Variants in NUP214 observed in about 807,000 individuals in gnomAD.
The protein encoded by NUP214 is nucleoporin 214.
NUP214 carries 79 observed loss-of-function variants against 196.2 expected under a neutral mutation model. The ratio of observed to expected loss-of-function variants is 0.40; its 90% CI spans 0.34 to 0.49. The LOEUF (loss-of-function observed/expected upper bound fraction) is 0.49, where lower values mean the gene tolerates loss of function less well. Ranked by LOEUF, NUP214 falls within the 20% of genes least tolerant of loss-of-function variation. NUP214 has a pLI of 0.58. For synonymous variants in NUP214, 1,020 were observed against 990.5 expected, an observed-to-expected ratio of 1.03 and a Z score of -0.56; for missense variants, 2,468 against 2,539.0, an observed-to-expected ratio of 0.97 and a Z score of 0.60.
chr9:131,174,256 C>A lies in NUP214; in HGVS notation c.3095C>A (p.Ala1032Glu). 3 of 1,613,978 alleles carry A rather than the reference C, an allele frequency of 1.9e-6. No individual in the cohort carries two copies. The highest frequency in any genetic ancestry group is 2.5e-6 in the Non-Finnish European group (3 of 1,179,978). Residue 1032 changes from alanine (A) to glutamate (E), a missense_variant, in exon 22 of 36, where the codon GCA (alanine) becomes GAA (glutamate). Ala to Glu is a moderately radical substitution (Grantham distance 107). Coordinates refer to ENST00000359428, the MANE Select transcript of NUP214 (RefSeq NM_005085.4). ...ATCCAGCCCAGTCTCTTGCCCCATG[C>A]AGCACCTTTTGCTAAATCTCACCTG... ...PSIQPSLLPH[A>E]APFAKSHLVH...
chr9:131,216,715 C>T lies in NUP214; in HGVS notation c.5749+1347C>T, dbSNP rs530935579. On this transcript the variant is annotated intron_variant, in intron 31 of 35. Coordinates refer to ENST00000359428, the MANE Select transcript of NUP214 (RefSeq NM_005085.4). ...CTAGTTTTTGTATTTTTAGTAGAGA[C>T]GGGGTTTTACCATGTTGGCCAGGCT... is the stretch of plus-strand genomic sequence containing the variant. 1.2e-3 allele frequency among the ~76,000 whole-genome samples: 188 copies of T among 151,404 alleles called. 2 individuals are homozygous for T. Among genetic ancestry groups the T allele is most frequent in the African/African-American group, 4.1e-3 (170 of 41,242 alleles).
intron 21 of NUP214, among the ~76,000 whole-genome samples, chr9:131,170,087 C>T (rs545444168): frequency 1.3e-5 from 2 of 151,830 alleles, no homozygotes; most frequent in Admixed American, 6.6e-5. Context: ...ATGGTAGTCA[C>T]GGTTATACAA....
intron 21 of NUP214, among the ~76,000 whole-genome samples, chr9:131,170,126 T>C (rs146977775): frequency 5.8e-4 from 89 of 152,306 alleles, no homozygotes; most frequent in Non-Finnish European, 1.1e-3. Flanking sequence ...GCCATGGAAC[T>C]GTACACTTTA....
chr9:131,230,864 T>C (rs1490334142), intron 34 of NUP214, 95 bp downstream of exon 34: 45 of 1,419,416 alleles, frequency 3.2e-5, no homozygotes, highest in Non-Finnish European at 3.7e-5. Context: ...CCAGTCTGTT[T>C]AGTATTTTAA....
At chr9:131,160,044 A>G (rs766037086) in intron 18 of NUP214, among the ~76,000 whole-genome samples, 1 of 152,176 alleles carries the variant, frequency 6.6e-6, no homozygotes, top group Non-Finnish European at 1.5e-5. Flanking sequence ...CTAAAGGTAC[A>G]GGAGTGGCTA....
chr9:131,216,773 C>T (rs1025936750), intron 31 of NUP214, among the ~76,000 whole-genome samples: 2 of 148,332 alleles, frequency 1.3e-5, no homozygotes, highest in Non-Finnish European at 3.0e-5. Context: ...GTGATCCGCC[C>T]ACCTCAGCCT....
At chr9:131,228,393 G>GTAC in intron 33 of NUP214, 62 bp downstream of exon 33, 2 of 1,484,112 alleles carry the variant, frequency 1.3e-6, no homozygotes, top group Non-Finnish European at 1.8e-6. Flanking sequence ...CTAGGGGCCT[G>GTAC]TACTCTTGCT....
At position 131,127,578 on chromosome 9, in the gene NUP214, T is replaced by C. The variant is rs776697558; in HGVS notation, c.100T>C (p.Leu34=). The change falls in exon 2 of 36, where the codon TTG becomes CTG. Residue 34 remains leucine (L), a synonymous_variant. Transcript: ENST00000359428. The stretch of plus-strand genomic sequence containing the variant: ...GAGAATCTTTGACTCCCCTGAGGAA[T>C]TGCCCAAGGAACGCTCGAGTCTGCT... ...KVRIFDSPEE[L]PKERSSLLAV... is the part of the protein sequence containing the mutation. 4.3e-6 allele frequency: 7 copies of C among 1,614,160 alleles called. No individual in the cohort carries two copies. In the Admixed American group the frequency reaches 5.0e-5, roughly 12 times the overall value.
At chr9:131,150,217 G>T in intron 14 of NUP214, 107 bp from the exon 15 acceptor site, 1 of 883,870 alleles carries the variant, frequency 1.1e-6, no homozygotes, top group Non-Finnish European at 1.8e-6. Context: ...AATGAGTGAA[G>T]AAATAATGAC....
intron 27 of NUP214, among the ~76,000 whole-genome samples, chr9:131,193,581 A>G (rs907411131): frequency 1.4e-5 from 2 of 143,612 alleles, no homozygotes; most frequent in African/African-American, 5.2e-5. Context: ...CATCCTTTAC[A>G]GATGGCTAAT....
At chr9:131,231,773 A>G (rs569879835) in intron 34 of NUP214, among the ~76,000 whole-genome samples, 11 of 152,250 alleles carry the variant, frequency 7.2e-5, no homozygotes, top group Admixed American at 3.9e-4. Context: ...TATCATTACA[A>G]TTGTACCCGT....
chr9:131,211,793 G>T (rs746161477), intron 30 of NUP214, among the ~76,000 whole-genome samples: 9 of 152,128 alleles, frequency 5.9e-5, no homozygotes, highest in Non-Finnish European at 1.3e-4. Context: ...ATAAGCTGAG[G>T]ATGTATGTTG....
rs1165318006 is a variant in NUP214, at chr9:131,144,324, C to G, written c.1339C>G (p.Leu447Val). Reference protein sequence around the residue: ...TPTSSQAPQKLDASAAAAPAS... With the variant: ...TPTSSQAPQKVDASAAAAPAS... Reference sequence around the variant, plus strand: ...AACCTCCTCTCAAGCCCCACAGAAACTGGATGCTTCTGCAGCTGCAGCCCC... The same window carrying G: ...AACCTCCTCTCAAGCCCCACAGAAAGTGGATGCTTCTGCAGCTGCAGCCCC... The change falls in exon 12 of 36, where the codon CTG becomes GTG. Residue 447 changes from leucine (L) to valine (V), a missense_variant. Physicochemically the swap from Leu to Val is conservative, Grantham distance 32 (BLOSUM62 1). Around this residue, in one of 5 missense-constraint regions of NUP214, gnomAD observed 1,801 missense variants for 1,779.4 expected, o/e 1.01. Coordinates refer to ENST00000359428, the MANE Select transcript of NUP214 (RefSeq NM_005085.4). 4.3e-6 allele frequency: 7 copies of G among 1,614,142 alleles called. No homozygotes were observed. The Admixed American group carries it at 1.2e-4, about 27-fold the overall frequency.
At chr9:131,184,478 C>T (rs182713698) in intron 24 of NUP214, among the ~76,000 whole-genome samples, 2 of 151,764 alleles carry the variant, frequency 1.3e-5, no homozygotes, top group Non-Finnish European at 2.9e-5. Context: ...GGACTACAGG[C>T]ACCTGCCACC....
rs1043809442 is a variant in NUP214 at position 131,232,368 on chromosome 9, G to A, written c.6239+60G>A. The A allele has an allele frequency of 4.6e-6, 7 of 1,507,814 alleles. No homozygotes were observed. Among genetic ancestry groups the A allele is most frequent in the Middle Eastern group, 1.7e-4 (1 of 5,886 alleles). The allele number at this position is 1,507,814 out of a possible 1,614,324, so 93.4% of individuals were successfully genotyped here. On this transcript the variant is annotated intron_variant, in intron 35 of 35. Transcript: ENST00000359428. The surrounding 1 kb of genome is among the most constrained non-coding windows in gnomAD (Gnocchi z 5.1). Reference sequence around the variant, plus strand: ...AAAAGCATTAAATAAGGTTGGAAGTGTGTGGATCTTGCTGGATTTGTGCAT... The same window carrying A: ...AAAAGCATTAAATAAGGTTGGAAGTATGTGGATCTTGCTGGATTTGTGCAT...
At position 131,197,348 on chromosome 9, in the gene NUP214, C is replaced by T; in HGVS notation, c.3854C>T (p.Pro1285Leu). Residue 1285 changes from proline (P) to leucine (L), a missense_variant, in exon 29 of 36, where the codon CCA becomes CTA. Pro to Leu is a moderately conservative substitution (Grantham distance 98). Transcript: ENST00000359428. ...ATCACATCCGCATCAAACACCACCC[C>T]AGGAGAACCTGCCGCATCTAGCAGC... The part of the protein sequence containing the change: ...SGITSASNTT[P>L]GEPAASSSRP... The T allele has an allele frequency of 2.5e-6, 4 of 1,614,214 alleles. No homozygotes were observed. Among genetic ancestry groups the T allele is most frequent in the Non-Finnish European group, 3.4e-6 (4 of 1,180,040 alleles).
At chr9:131,226,578 A>T (rs1834730463) in intron 32 of NUP214, among the ~76,000 whole-genome samples, 1 of 151,688 alleles carries the variant, frequency 6.6e-6, no homozygotes, top group Admixed American at 6.6e-5. Flanking sequence ...GTGTAACTAG[A>T]TCTGTGATCA....
At chr9:131,167,657 C>CTGGTTTTTTCT (rs1446596393) in intron 21 of NUP214, among the ~76,000 whole-genome samples, 2 of 152,140 alleles carry the variant, frequency 1.3e-5, no homozygotes, top group African/African-American at 4.8e-5. Context: ...TTTCTTTTAA[C>CTGGTTTTTTCT]TATTCTGGTA....
chr9:131,131,097 G>A (rs1237436693), intron 5 of NUP214, among the ~76,000 whole-genome samples: 1 of 151,358 alleles, frequency 6.6e-6, no homozygotes, highest in Non-Finnish European at 1.5e-5. Context: ...CTTTTTTTTT[G>A]TTGTTGTTTT....
Sources: allele counts gnomAD v4.1 joint callset (sites outside exome capture counted in the v4.1 genomes callset), GRCh38; gene constraint gnomAD v4.1.1; regional missense constraint gnomAD v4.1.1; non-coding constraint Gnocchi (gnomAD v3.1); transcripts MANE v1.5; gene names NCBI Gene and HGNC (gene_info 2026-07-23, HGNC 2026-07-21).